DCC: variants seen among roughly 807,000 people sequenced by gnomAD.
The protein encoded by DCC is DCC netrin 1 receptor, also known as netrin receptor DCC.
In DCC, 58 loss-of-function variants were observed where a neutral mutation model predicts 172.5. That is an observed-to-expected ratio of 0.34 (90% CI 0.27 to 0.42). DCC has a LOEUF of 0.42. Ranked by LOEUF, DCC falls within the 10% of genes least tolerant of loss-of-function variation. DCC has a pLI of 1.00. For synonymous variants in DCC, 709 were observed against 644.5 expected, an observed-to-expected ratio of 1.10 and a Z score of -1.52; for missense variants, 1,740 against 1,791.0, an observed-to-expected ratio of 0.97 and a Z score of 0.51.
intron 25 of DCC, among the ~76,000 whole-genome samples, chr18:53,485,214 A>G (rs2045886921): frequency 2.0e-5 from 3 of 152,210 alleles, no homozygotes; most frequent in African/African-American, 7.2e-5. Context: ...ATGGTAACCA[A>G]CCTACTATCT....
intron 2 of DCC, among the ~76,000 whole-genome samples, chr18:52,872,530 A>T (rs1387240754): frequency 6.6e-6 from 1 of 152,202 alleles, no homozygotes; most frequent in Non-Finnish European, 1.5e-5. Flanking sequence ...AATATGCCAA[A>T]GTATATTTTG....
intron 1 of DCC, among the ~76,000 whole-genome samples, chr18:52,665,827 C>T (rs2035451248): frequency 6.6e-6 from 1 of 152,126 alleles, no homozygotes; most frequent in Non-Finnish European, 1.5e-5. Flanking sequence ...ATGAAACTGA[C>T]AATTTTTTTA....
At chr18:52,415,181 A>G (rs1277800594) in intron 1 of DCC, among the ~76,000 whole-genome samples, 1 of 152,198 alleles carries the variant, frequency 6.6e-6, no homozygotes, top group Non-Finnish European at 1.5e-5. Context: ...GTTACAAGCC[A>G]TCTGGACCCT....
intron 5 of DCC, among the ~76,000 whole-genome samples, chr18:53,016,756 A>T (rs2143901891): frequency 6.6e-6 from 1 of 152,292 alleles, no homozygotes; most frequent in African/African-American, 2.4e-5. Context: ...AAGTTATAGA[A>T]GAAATTAGCA....
chr18:52,743,271 T>A (rs948639949), intron 1 of DCC, among the ~76,000 whole-genome samples: 36 of 152,206 alleles, frequency 2.4e-4, no homozygotes, highest in African/African-American at 7.2e-4. Flanking sequence ...TCCCTCTCTC[T>A]ACTTAGAGAA....
chr18:52,348,884 C>A (rs1349415563), intron 1 of DCC, among the ~76,000 whole-genome samples: 1 of 152,138 alleles, frequency 6.6e-6, no homozygotes. Flanking sequence ...ATGTTAGTAT[C>A]CTGCCTTATC....
intron 1 of DCC, among the ~76,000 whole-genome samples, chr18:52,342,290 T>C (rs1384679693): frequency 1.3e-5 from 2 of 151,886 alleles, no homozygotes; most frequent in African/African-American, 4.8e-5. Flanking sequence ...CGTGTGTGTG[T>C]GTGTGTGTGT....
rs567771249 is a variant in DCC at position 52,406,394 on chromosome 18, A to C, written c.91+65516A>C. On this transcript the variant is annotated intron_variant, in intron 1 of 28. Coordinates refer to ENST00000442544, the MANE Select transcript of DCC (RefSeq NM_005215.4). ...ATCAGAGTGAACAGGCAACCTACAA[A>C]ATGGGAGAAAATTTTCGCAACCTAC... Among the ~76,000 whole-genome samples the C allele has an allele frequency of 9.0e-3, 1,358 of 151,684 alleles. 21 individuals are homozygous for C. The highest frequency in any genetic ancestry group is 0.03 in the African/African-American group (1,245 of 41,280).
chr18:53,332,906 A>G (rs2057546486), intron 14 of DCC, among the ~76,000 whole-genome samples: 1 of 152,096 alleles, frequency 6.6e-6, no homozygotes, highest in African/African-American at 2.4e-5. Flanking sequence ...TTCTACAAAA[A>G]TTTTCTTTTA....
intron 22 of DCC, among the ~76,000 whole-genome samples, chr18:53,436,156 A>G (rs1045543939): frequency 1.3e-5 from 2 of 152,202 alleles, no homozygotes; most frequent in Non-Finnish European, 2.9e-5. Context: ...TTTACTACGT[A>G]TGTATACGTA....
At chr18:52,498,692 A>G (rs2030898006) in intron 1 of DCC, among the ~76,000 whole-genome samples, 1 of 152,084 alleles carries the variant, frequency 6.6e-6, no homozygotes, top group South Asian at 2.1e-4. Flanking sequence ...AGTTTTAGAG[A>G]CCAGTAAGTC....
intron 5 of DCC, among the ~76,000 whole-genome samples, chr18:52,974,331 G>A (rs1337340705): frequency 1.3e-5 from 2 of 152,090 alleles, no homozygotes; most frequent in South Asian, 4.1e-4. Flanking sequence ...GGGAGATTGA[G>A]GCATGAAATA....
At chr18:53,416,197 A>G (rs1235762123) in intron 21 of DCC, 41 bp downstream of exon 21, 7 of 1,462,628 alleles carry the variant, frequency 4.8e-6, no homozygotes, top group South Asian at 1.1e-5. Context: ...CCTTGAATCA[A>G]TCCTGTCTGT....
chr18:53,507,080 T>C (rs2046189284), intron 27 of DCC, among the ~76,000 whole-genome samples: 2 of 143,418 alleles, frequency 1.4e-5, no homozygotes, highest in Admixed American at 1.4e-4. Flanking sequence ...ATTCTCCCTT[T>C]CTCCTTTTTG....
intron 7 of DCC, among the ~76,000 whole-genome samples, chr18:53,106,399 A>G (rs1228319268): frequency 2.0e-5 from 3 of 151,896 alleles, no homozygotes; most frequent in Non-Finnish European, 4.4e-5. Flanking sequence ...CTTCCTTGCA[A>G]GCTGAAACTC....
At chr18:52,656,379 C>T (rs968602463) in intron 1 of DCC, among the ~76,000 whole-genome samples, 1 of 151,992 alleles carries the variant, frequency 6.6e-6, no homozygotes, top group African/African-American at 2.4e-5. Context: ...AAAATGGGCC[C>T]TCACCAGACA....
At chr18:53,263,643 A>T (rs2056632420) in intron 12 of DCC, among the ~76,000 whole-genome samples, 1 of 152,166 alleles carries the variant, frequency 6.6e-6, no homozygotes, top group African/African-American at 2.4e-5. Context: ...GTTTTCTCCA[A>T]ACTTTTTTAG....
At chr18:53,116,716 C>T (rs2043414154) in intron 7 of DCC, among the ~76,000 whole-genome samples, 1 of 151,428 alleles carries the variant, frequency 6.6e-6, no homozygotes, top group African/African-American at 2.4e-5. Context: ...TCATACACTT[C>T]TTCTACTTCA....
chr18:52,561,214 G>T, intron 1 of DCC, among the ~76,000 whole-genome samples: 1 of 152,008 alleles, frequency 6.6e-6, no homozygotes, highest in South Asian at 2.1e-4. Context: ...ATATGATTTA[G>T]AATAAAATAT....
Sources: gnomAD v4.1 joint callset for allele counts (sites outside exome capture counted in the v4.1 genomes callset) on GRCh38, gnomAD v4.1.1 for gene constraint, MANE v1.5 for transcripts, NCBI Gene and HGNC (gene_info 2026-07-23, HGNC 2026-07-21) for gene names.